The following BIN1 variants were observed in gnomAD, a reference collection of about 807,000 sequenced individuals.
BIN1 encodes myc box-dependent-interacting protein 1.
In BIN1, 53 loss-of-function variants were observed where a neutral mutation model predicts 82.0. The observed-to-expected ratio is 0.65, with a 90% CI of 0.52 to 0.81. The LOEUF is 0.81. Among genes scored for constraint, BIN1 ranks in the 40% least tolerant of loss-of-function variants. The pLI is 0.00. For synonymous variants in BIN1, 302 were observed against 328.0 expected (o/e 0.92, Z 0.86); for missense variants, 642 against 784.4 (o/e 0.82, Z 2.17).
At chr2:127,071,554 T>C (rs867871747) in intron 2 of BIN1, among the ~76,000 whole-genome samples, 1 of 152,082 alleles carries the variant, frequency 6.6e-6, no homozygotes, top group Admixed American at 6.5e-5. Context: ...AGTAGAAGCA[T>C]GGGCCAGGCC....
At position 127,082,741 on chromosome 2, in the gene BIN1, G is replaced by T. The variant is rs1156383636; in HGVS notation, c.85-6035C>A. Among the ~76,000 whole-genome samples, 1 of 151,822 alleles carries T rather than the reference G, an allele frequency of 6.6e-6. No individual in the cohort carries two copies. The highest frequency in any genetic ancestry group is 6.6e-5 in the Admixed American group (1 of 15,256). On this transcript the variant is annotated intron_variant, in intron 1 of 18. Transcript: ENST00000316724. The surrounding 1 kb of genome is among the most constrained non-coding windows in gnomAD (Gnocchi z 6.1). ...GCTGTCCCTGCAACCAGACACACAG[G>T]ACCCCTCTCCCGGCTGCTGCTCACA...
At chr2:127,049,590 C>T (rs536948743) in intron 18 of BIN1, among the ~76,000 whole-genome samples, 45 of 152,334 alleles carry the variant, frequency 3.0e-4, no homozygotes, top group Admixed American at 1.6e-3. Flanking sequence ...TCTCTGGAAG[C>T]AGGAAGAAGC....
Position 127,059,152 on chromosome 2 carries a change from G to C in BIN1, c.861C>G (p.Asp287Glu). The C allele has an allele frequency of 1.3e-6, 2 of 1,575,090 alleles. No homozygotes were observed. The highest frequency in any genetic ancestry group is 1.7e-6 in the Non-Finnish European group (2 of 1,160,740). The change falls in exon 11 of 19, where the codon GAC (aspartate) becomes GAG (glutamate). Residue 287 changes from aspartate to glutamate, a missense_variant. By Grantham distance (45) the Asp-to-Glu change is conservative (BLOSUM62 2). Transcript: ENST00000316724. This position sits in a 1 kb window ranked among gnomAD's most constrained non-coding sequence, Gnocchi z 6.7. Reference protein sequence around the residue: ...NTFTVKAQPSDNAPAKGNKSP... With the variant: ...NTFTVKAQPSENAPAKGNKSP... ...TCTTGTTCCCTTTTGCAGGCGCGTT[G>C]TCACTGTGGGGGAGGACAAGAAAGG... is the stretch of plus-strand genomic sequence containing the variant.
chr2:127,102,941 G>A (rs148232249), intron 1 of BIN1, among the ~76,000 whole-genome samples: 25 of 152,316 alleles, frequency 1.6e-4, no homozygotes, highest in Non-Finnish European at 2.6e-4. Flanking sequence ...GACAGTAGCC[G>A]GCAGGGAAGA....
intron 10 of BIN1, chr2:127,060,468 G>C (rs1198740021): frequency 9.2e-6 from 13 of 1,407,170 alleles, no homozygotes; most frequent in East Asian, 4.6e-5. Flanking sequence ...CGACAGCCCT[G>C]CCGGGCAGCA....
intron 1 of BIN1, among the ~76,000 whole-genome samples, chr2:127,098,450 G>C (rs1679882630): frequency 6.6e-6 from 1 of 152,194 alleles, no homozygotes; most frequent in African/African-American, 2.4e-5. Flanking sequence ...AGTGGGGGCT[G>C]GGCATAGTAT....
chr2:127,098,249 G>T (rs570656672), intron 1 of BIN1, among the ~76,000 whole-genome samples: 5 of 152,158 alleles, frequency 3.3e-5, no homozygotes, highest in Non-Finnish European at 7.4e-5. Context: ...CTGAGGATGG[G>T]GAGGCCTGCA....
At chr2:127,096,727 A>G (rs556075421) in intron 1 of BIN1, among the ~76,000 whole-genome samples, 227 of 152,322 alleles carry the variant, frequency 1.5e-3, no homozygotes, top group Non-Finnish European at 2.4e-3. Context: ...GGGAGCTGCC[A>G]TGGGCCAAAT....
At chr2:127,075,491 T>C (rs990602131) in intron 2 of BIN1, among the ~76,000 whole-genome samples, 1 of 152,166 alleles carries the variant, frequency 6.6e-6, no homozygotes, top group African/African-American at 2.4e-5. Context: ...GCAGTAGATA[T>C]CCCTGCCACA....
chr2:127,068,113 A>T lies in BIN1; in HGVS notation c.612+50T>A. On this transcript the variant is annotated intron_variant, in intron 7 of 18. Transcript: ENST00000316724. The surrounding 1 kb of genome is among the most constrained non-coding windows in gnomAD (Gnocchi z 4.9). ...TTCCACCGCAGGGCGAGAGGACAGG[A>T]CGACAGACCGGAAGGCGCCAGCACG... The T allele has an allele frequency of 1.3e-6, 2 of 1,567,288 alleles. No individual in the cohort carries two copies. The highest frequency in any genetic ancestry group is 1.7e-6 in the Non-Finnish European group (2 of 1,147,022).
At chr2:127,106,810 GCTCCGCGGCGGCTGGGA>G (rs1028055214) in intron 1 of BIN1, 33 bp downstream of exon 1, 13 of 1,553,036 alleles carry the variant, frequency 8.4e-6, no homozygotes, top group African/African-American at 8.2e-5. Flanking sequence ...GGTGGCCGGG[GCTCCGCGGCGGCTGGGA>G]CTCCGCGGCT....
chr2:127,071,864 A>G (rs1317880298), intron 2 of BIN1, among the ~76,000 whole-genome samples: 1 of 152,172 alleles, frequency 6.6e-6, no homozygotes, highest in Non-Finnish European at 1.5e-5. Flanking sequence ...CACTCCTCAG[A>G]TCCAGTGAGC....
At chr2:127,101,607 AGTGCCCAGTATATGGTG>A (rs1327286836) in intron 1 of BIN1, among the ~76,000 whole-genome samples, 1 of 152,184 alleles carries the variant, frequency 6.6e-6, no homozygotes, top group Non-Finnish European at 1.5e-5. Context: ...TCCCTAGAAC[AGTGCCCAGTATATGGTG>A]GTGCTCAATA....
chr2:127,078,788 G>T (rs531602338), intron 1 of BIN1, among the ~76,000 whole-genome samples: 1 of 152,284 alleles, frequency 6.6e-6, no homozygotes, highest in South Asian at 2.1e-4. Context: ...AGCTGGGGAG[G>T]TTCCTCACCC....
intron 2 of BIN1, among the ~76,000 whole-genome samples, chr2:127,074,095 C>T (rs1686281080): frequency 6.6e-6 from 1 of 152,076 alleles, no homozygotes; most frequent in African/African-American, 2.4e-5. Context: ...ACCTGCCATC[C>T]TTGTCCCTTG....
intron 7 of BIN1, among the ~76,000 whole-genome samples, chr2:127,066,406 C>T (rs1175500141): frequency 6.6e-6 from 1 of 152,254 alleles, no homozygotes; most frequent in African/African-American, 2.4e-5. Context: ...ATAATCCCAA[C>T]CACACCTGTC....
intron 1 of BIN1, among the ~76,000 whole-genome samples, chr2:127,095,388 G>T (rs1679462506): frequency 1.3e-5 from 2 of 152,194 alleles, no homozygotes; most frequent in South Asian, 4.1e-4. Flanking sequence ...CTCCCTGGCG[G>T]GGTCACTGGT....
intron 1 of BIN1, among the ~76,000 whole-genome samples, chr2:127,104,304 C>T (rs563691670): frequency 2.6e-5 from 4 of 152,314 alleles, no homozygotes; most frequent in Non-Finnish European, 4.4e-5. Context: ...TCAGCCAGAC[C>T]AGTGGTGGAG....
rs766569988 is a variant in BIN1, at chr2:127,062,103, C to T, written c.857+12G>A. On this transcript the variant is annotated intron_variant, in intron 10 of 18. Coordinates refer to ENST00000316724, the MANE Select transcript of BIN1 (RefSeq NM_139343.3). ...ACACAGTCAGGGGCGCCAGGGCTCT[C>T]CCCGCACGCACCTGGGCTGGGCCTT... The T allele has an allele frequency of 8.8e-6, 14 of 1,597,808 alleles. No homozygotes were observed. Among genetic ancestry groups the T allele is most frequent in the East Asian group, 4.5e-5 (2 of 44,412 alleles).
Sources: gnomAD v4.1 joint callset for allele counts (sites outside exome capture counted in the v4.1 genomes callset) on GRCh38, gnomAD v4.1.1 for gene constraint, Gnocchi (gnomAD v3.1) non-coding constraint, MANE v1.5 for transcripts, NCBI Gene and HGNC (gene_info 2026-07-23, HGNC 2026-07-21) for gene names.